DENND2B: variants seen among roughly 807,000 people sequenced by gnomAD.
The protein encoded by DENND2B is DENN domain containing 2B.
A neutral mutation model predicts 116.0 loss-of-function variants in DENND2B; 32 were observed. The ratio of observed to expected loss-of-function variants is 0.28; its 90% confidence interval spans 0.21 to 0.37. The LOEUF is 0.37. DENND2B is among the 10% of genes least tolerant of loss of function. The probability of loss-of-function intolerance (pLI) is 1.00; values close to 1 mark genes in which losing one functional copy is unlikely to be tolerated. For synonymous variants in DENND2B, 588 were observed against 583.9 expected (o/e 1.01, Z -0.10); for missense variants, 1,276 against 1,477.7 (o/e 0.86, Z 2.24).
At chr11:8,701,749 G>A (rs1032837312) in intron 14 of DENND2B, among the ~76,000 whole-genome samples, 3 of 151,890 alleles carry the variant, frequency 2.0e-5, no homozygotes, top group East Asian at 3.9e-4. Flanking sequence ...GAAGAGCTCC[G>A]ACTTCTTACT....
At chr11:8,786,470 T>C (rs1054196311) in intron 1 of DENND2B, among the ~76,000 whole-genome samples, 26 of 152,190 alleles carry the variant, frequency 1.7e-4, no homozygotes, top group African/African-American at 5.8e-4. Flanking sequence ...GAAAGTGGTA[T>C]GTTGACTGCC....
intron 3 of DENND2B, among the ~76,000 whole-genome samples, chr11:8,855,005 C>T (rs1274988501): frequency 6.6e-6 from 1 of 151,300 alleles, no homozygotes; most frequent in Non-Finnish European, 1.5e-5. Context: ...ATTAGCCAGG[C>T]ATAGTGGCCC....
intron 4 of DENND2B, chr11:8,830,722 C>G (rs1021764675): frequency 1.3e-5 from 2 of 152,274 alleles, no homozygotes; most frequent in Admixed American, 1.3e-4. Flanking sequence ...TTCACCCACT[C>G]TGGTGGGGGA....
intron 1 of DENND2B, among the ~76,000 whole-genome samples, chr11:8,784,956 C>G (rs1202721648): frequency 6.6e-6 from 1 of 152,010 alleles, no homozygotes; most frequent in African/African-American, 2.4e-5. Flanking sequence ...TGAAACTAAA[C>G]AGGGAAGTAA....
At chr11:8,743,232 G>C (rs1051547255) in intron 2 of DENND2B, among the ~76,000 whole-genome samples, 1 of 151,896 alleles carries the variant, frequency 6.6e-6, no homozygotes, top group African/African-American at 2.4e-5. Context: ...AATCTAAAGT[G>C]AGACTGAAAA....
chr11:8,696,687 T>G (rs376097962), intron 17 of DENND2B, 21 bp from the exon 18 acceptor site: 83 of 1,612,210 alleles, frequency 5.1e-5, no homozygotes, highest in Non-Finnish European at 6.8e-5. Flanking sequence ...AAAGACAATC[T>G]TTGAGGTTCA....
chr11:8,734,790 T>TC (rs1330190613), intron 2 of DENND2B, among the ~76,000 whole-genome samples: 3 of 25,550 alleles, frequency 1.2e-4, no homozygotes, highest in Non-Finnish European at 3.1e-4. Context: ...AACAAGAGTC[T>TC]CAAAAAAAAA....
rs530533037 is a variant in DENND2B, at chr11:8,716,797, G to A, written c.1629+944C>T. ...CAAGCAGCTGGGACTACAGGCGTGC[G>A]CCATCATGCCCAGCTAATGTTTGTA... On this transcript the variant is annotated intron_variant, in intron 5 of 19. Transcript: ENST00000313726. Among the ~76,000 whole-genome samples the A allele has an allele frequency of 1.4e-3, 216 of 152,220 alleles. 1 individual carries two copies. The highest frequency in any genetic ancestry group is 2.4e-3 in the Admixed American group (37 of 15,298).
intron 1 of DENND2B, among the ~76,000 whole-genome samples, chr11:8,890,075 G>T (rs200796296): frequency 6.6e-6 from 1 of 152,202 alleles, no homozygotes; most frequent in Non-Finnish European, 1.5e-5. Flanking sequence ...AGCAACATTT[G>T]CTGTTCAGCA....
chr11:8,722,734 C>A (rs1280312708), intron 4 of DENND2B, among the ~76,000 whole-genome samples: 1 of 152,160 alleles, frequency 6.6e-6, no homozygotes, highest in Non-Finnish European at 1.5e-5. Context: ...ACGCACAGGG[C>A]ACTGTCCTAA....
intron 2 of DENND2B, among the ~76,000 whole-genome samples, chr11:8,734,808 A>AG (rs1162999121): frequency 1.4e-4 from 21 of 151,636 alleles, no homozygotes; most frequent in East Asian, 3.9e-4. Context: ...AAAAAAAAAA[A>AG]AAAGAAAGAT....
chr11:8,869,455 G>A (rs2063699109), intron 2 of DENND2B, among the ~76,000 whole-genome samples: 2 of 152,118 alleles, frequency 1.3e-5, no homozygotes, highest in African/African-American at 4.8e-5. Flanking sequence ...CTCAAATCAG[G>A]ACTTTGAGAC....
intron 1 of DENND2B, among the ~76,000 whole-genome samples, chr11:8,796,041 T>C: frequency 6.6e-6 from 1 of 152,210 alleles, no homozygotes; most frequent in East Asian, 1.9e-4. Flanking sequence ...AATTCCTCTG[T>C]TTTCTAGCAA....
intron 1 of DENND2B, among the ~76,000 whole-genome samples, chr11:8,779,854 T>C (rs574475734): frequency 6.6e-6 from 1 of 152,282 alleles, no homozygotes; most frequent in African/African-American, 2.4e-5. Context: ...ATCCTCTCCC[T>C]TGCATGTCAT....
At chr11:8,891,665 G>T (rs1440142468) in intron 1 of DENND2B, among the ~76,000 whole-genome samples, 1 of 152,128 alleles carries the variant, frequency 6.6e-6, no homozygotes, top group Non-Finnish European at 1.5e-5. Flanking sequence ...TAATGGTAAA[G>T]GGATCAATTC....
At chr11:8,806,908 C>CTT (rs71059181) in intron 1 of DENND2B, among the ~76,000 whole-genome samples, 210 of 146,372 alleles carry the variant, frequency 1.4e-3, no homozygotes, top group Middle Eastern at 3.6e-3. Flanking sequence ...GCCAGATGGT[C>CTT]TTTTTTTTTT....
Position 8,694,245 on chromosome 11 carries a change from G to C in DENND2B, c.3380-115C>G. 3.2e-6 allele frequency: 4 copies of C among 1,231,676 alleles called. No homozygotes were observed. The South Asian group carries it at 5.4e-5, about 16-fold the overall frequency. 76.3% of individuals were successfully genotyped at this position (1,231,676 alleles called of 1,614,324 possible). A position where few individuals can be genotyped will look rare whatever the true frequency, so the allele number is the denominator to read the frequency against. ...TGGGAGAGGAAGGATTAGGAAGACT[G>C]GATTATAACTGTGATCTGATCCAGG... On this transcript the variant is annotated intron_variant, in intron 19 of 19. Transcript: ENST00000313726.
At chr11:8,840,628 C>G (rs2062591857) in intron 3 of DENND2B, among the ~76,000 whole-genome samples, 3 of 152,160 alleles carry the variant, frequency 2.0e-5, no homozygotes, top group Admixed American at 6.5e-5. Context: ...AAATATCAGT[C>G]CCGGCCAAGA....
intron 1 of DENND2B, among the ~76,000 whole-genome samples, chr11:8,901,037 C>T (rs1012129312): frequency 6.6e-6 from 1 of 151,302 alleles, no homozygotes. Flanking sequence ...AGGCGTGAGC[C>T]ACCACACCTG....
Sources: allele counts gnomAD v4.1 joint callset (sites outside exome capture counted in the v4.1 genomes callset), GRCh38; gene constraint gnomAD v4.1.1; transcripts MANE v1.5; gene names NCBI Gene and HGNC (gene_info 2026-07-23, HGNC 2026-07-21).